Variants in RAD51B observed in about 807,000 individuals in gnomAD.
RAD51B encodes DNA repair protein RAD51 homolog 2.
RAD51B carries 38 observed loss-of-function variants against 42.2 expected under a neutral mutation model. That is an observed-to-expected ratio of 0.90 (90% CI 0.70 to 1.18). The LOEUF (loss-of-function observed/expected upper bound fraction) is 1.18. RAD51B is among the 50% of genes most tolerant of loss of function. RAD51B has a pLI of 0.00. For missense variants in RAD51B, 373 were observed against 400.7 expected, an observed-to-expected ratio of 0.93 and a Z score of 0.59; for synonymous variants, 154 against 145.2, an observed-to-expected ratio of 1.06 and a Z score of -0.43.
At chr14:68,599,529 C>CA (rs568692293), downstream of RAD51B, among the ~76,000 whole-genome samples, 12 of 152,310 alleles carry the variant, frequency 7.9e-5, no homozygotes, top group South Asian at 2.5e-3. Context: ...CTACTCTCTT[C>CA]AAATGAAAAC....
At chr14:68,003,715 G>C (rs1483953500) in intron 7 of RAD51B, among the ~76,000 whole-genome samples, 1 of 152,162 alleles carries the variant, frequency 6.6e-6, no homozygotes, top group Non-Finnish European at 1.5e-5. Flanking sequence ...TTTATTGAGA[G>C]TTTAAACATG....
intron 7 of RAD51B, among the ~76,000 whole-genome samples, chr14:68,186,426 A>T (rs1371310715): frequency 6.6e-6 from 1 of 152,166 alleles, no homozygotes; most frequent in Non-Finnish European, 1.5e-5. Flanking sequence ...TAAACAGACA[A>T]CCTACAGATA....
intron 7 of RAD51B, among the ~76,000 whole-genome samples, chr14:67,940,904 C>T (rs973450152): frequency 3.4e-4 from 51 of 151,094 alleles, no homozygotes; most frequent in African/African-American, 1.2e-3. Context: ...CACCCTTTAC[C>T]TCTACTCTCC....
chr14:67,989,653 A>AG (rs1338204998), intron 7 of RAD51B, among the ~76,000 whole-genome samples: 1 of 150,792 alleles, frequency 6.6e-6, no homozygotes, highest in Non-Finnish European at 1.5e-5. Flanking sequence ...AAAAAAAAAA[A>AG]AAAAGAAAGA....
intron 10 of RAD51B, among the ~76,000 whole-genome samples, chr14:68,561,011 G>C (rs1336174122): frequency 6.6e-6 from 1 of 152,162 alleles, no homozygotes; most frequent in Admixed American, 6.5e-5. Context: ...CTTTTGCTTG[G>C]AACTTTCTTG....
At chr14:68,024,728 C>A (rs1033424831) in intron 7 of RAD51B, among the ~76,000 whole-genome samples, 1 of 151,886 alleles carries the variant, frequency 6.6e-6, no homozygotes, top group Non-Finnish European at 1.5e-5. Context: ...TTTATTAGCC[C>A]TAGGAGGCTT....
At chr14:68,283,422 TC>T (rs1044231902) in intron 7 of RAD51B, among the ~76,000 whole-genome samples, 5 of 152,206 alleles carry the variant, frequency 3.3e-5, no homozygotes, top group Non-Finnish European at 5.9e-5. Context: ...CTCAGAGTCA[TC>T]TGACCATTGG....
Position 68,073,148 on chromosome 14 carries a change from G to A in RAD51B, c.756+185944G>A, listed in dbSNP as rs118011071. On this transcript the variant is annotated intron_variant, in intron 7 of 10. Coordinates refer to ENST00000471583, the MANE Select transcript of RAD51B (RefSeq NM_133510.4). ...GGAAGTTTCCCACTATTATCATGTGGTTATCTATGTCTTTTCGTAAGTCTC... is the reference window on the plus strand; with the variant it reads ...GGAAGTTTCCCACTATTATCATGTGATTATCTATGTCTTTTCGTAAGTCTC... 4.1e-4 allele frequency among the ~76,000 whole-genome samples: 63 copies of A among 152,266 alleles called. 2 individuals are homozygous for A. The East Asian group carries it at 0.012, about 29-fold the overall frequency.
At chr14:68,623,784 T>C (rs1429764307) in intron 10 of RAD51B, among the ~76,000 whole-genome samples, 1 of 152,242 alleles carries the variant, frequency 6.6e-6, no homozygotes, top group Non-Finnish European at 1.5e-5. Flanking sequence ...GATAAACCAG[T>C]AGGGCCGGTA....
At chr14:68,664,069 G>T (rs1435720919) in intron 11 of RAD51B, among the ~76,000 whole-genome samples, 1 of 152,172 alleles carries the variant, frequency 6.6e-6, no homozygotes, top group Admixed American at 6.5e-5. Context: ...GTCCACCAGG[G>T]AATTTGGACC....
intron 9 of RAD51B, among the ~76,000 whole-genome samples, chr14:68,440,994 T>C (rs867838102): frequency 6.6e-5 from 10 of 152,202 alleles, no homozygotes; most frequent in African/African-American, 1.9e-4. Flanking sequence ...TGATGACTCA[T>C]AGAACTTTAT....
chr14:68,260,607 T>C (rs1304600133), intron 7 of RAD51B, among the ~76,000 whole-genome samples: 2 of 152,132 alleles, frequency 1.3e-5, no homozygotes, highest in East Asian at 3.8e-4. Flanking sequence ...TAGCAAAGCC[T>C]GTTTGTTTAG....
At chr14:68,052,568 T>G (rs907902407) in intron 7 of RAD51B, among the ~76,000 whole-genome samples, 1 of 152,008 alleles carries the variant, frequency 6.6e-6, no homozygotes, top group Non-Finnish European at 1.5e-5. Context: ...TTTATTCTTT[T>G]CTTCTCTTGA....
downstream of RAD51B, chr14:68,611,591 A>T (rs1296543245): frequency 2.7e-6 from 1 of 372,484 alleles, no homozygotes; most frequent in Non-Finnish European, 5.0e-6. Context: ...AAATAAAACA[A>T]ATCAACAAAT....
chr14:68,195,576 G>A (rs184538043), intron 7 of RAD51B, among the ~76,000 whole-genome samples: 398 of 152,172 alleles, frequency 2.6e-3, no homozygotes, highest in Middle Eastern at 0.02. Context: ...AGAATAATAC[G>A]TATCTTTTCT....
chr14:68,577,818 T>C (rs1566943472), intron 10 of RAD51B, among the ~76,000 whole-genome samples: 1 of 152,192 alleles, frequency 6.6e-6, no homozygotes, highest in Non-Finnish European at 1.5e-5. Flanking sequence ...GCACTTAGAA[T>C]CCTACCTGCC....
At chr14:68,273,767 G>A (rs916235489) in intron 7 of RAD51B, among the ~76,000 whole-genome samples, 1 of 152,182 alleles carries the variant, frequency 6.6e-6, no homozygotes, top group East Asian at 1.9e-4. Context: ...GCTCACTGCA[G>A]CCTCGAACTC....
chr14:67,971,678 T>TC (rs757628783), intron 7 of RAD51B, among the ~76,000 whole-genome samples: 1 of 151,966 alleles, frequency 6.6e-6, no homozygotes, highest in Non-Finnish European at 1.5e-5. Flanking sequence ...CCCTTAGACG[T>TC]TTTTTATTCT....
At chr14:68,632,592 G>A (rs1892253659) in intron 10 of RAD51B, among the ~76,000 whole-genome samples, 1 of 152,192 alleles carries the variant, frequency 6.6e-6, no homozygotes, top group Non-Finnish European at 1.5e-5. Context: ...CTGTGAATGA[G>A]GAGGGTGTCT....
Sources: allele counts gnomAD v4.1 joint callset (sites outside exome capture counted in the v4.1 genomes callset), GRCh38; gene constraint gnomAD v4.1.1; transcripts MANE v1.5; gene names NCBI Gene and HGNC (gene_info 2026-07-23, HGNC 2026-07-21).